The following SMCO4 variants were observed in gnomAD, a reference collection of about 807,000 sequenced individuals.
The protein encoded by SMCO4 is single-pass membrane protein with coiled-coil domains 4, also known as single-pass membrane and coiled-coil domain-containing protein 4.
In SMCO4, 4 loss-of-function variants were observed where a neutral mutation model predicts 3.6. The ratio of observed to expected loss-of-function variants is 1.11; its 90% CI spans 0.54 to 2.53. The LOEUF (loss-of-function observed/expected upper bound fraction) is 2.53, where lower values mean the gene tolerates loss of function less well. SMCO4 is among the 30% of genes most tolerant of loss of function. The pLI, the probability that SMCO4 is intolerant of heterozygous loss-of-function variation, is 0.02. For synonymous variants in SMCO4, 36 were observed against 35.3 expected (o/e 1.02, Z -0.07); for missense variants, 70 against 80.8 (o/e 0.87, Z 0.51).
intron 2 of SMCO4, among the ~76,000 whole-genome samples, chr11:93,484,517 G>T (rs987275754): frequency 6.6e-6 from 1 of 152,110 alleles, no homozygotes; most frequent in Non-Finnish European, 1.5e-5. Flanking sequence ...TGTAAAATGG[G>T]TAAGAAACCT....
At chr11:93,526,424 G>C (rs186575122) in intron 1 of SMCO4, among the ~76,000 whole-genome samples, 4 of 152,226 alleles carry the variant, frequency 2.6e-5, no homozygotes. Flanking sequence ...TGAGAGTTTT[G>C]GGGAGAGTGA....
chr11:93,534,186 G>A (rs1475080259), intron 1 of SMCO4, among the ~76,000 whole-genome samples: 7 of 126,476 alleles, frequency 5.5e-5, no homozygotes, highest in Non-Finnish European at 9.7e-5. Flanking sequence ...ATGAGACTCC[G>A]TCTCAAAAAA....
At chr11:93,541,171 A>G (rs530705214) in intron 1 of SMCO4, among the ~76,000 whole-genome samples, 2 of 152,230 alleles carry the variant, frequency 1.3e-5, no homozygotes, top group South Asian at 2.1e-4. Context: ...AGTCACTTCA[A>G]TGCTGTGATG....
chr11:93,548,489 T>C, the SMCO4 span, among the ~76,000 whole-genome samples: 1 of 152,224 alleles, frequency 6.6e-6, no homozygotes, highest in Non-Finnish European at 1.5e-5. Context: ...CATGTTTTAA[T>C]CATGTAGCCT....
intron 2 of SMCO4, among the ~76,000 whole-genome samples, chr11:93,497,967 A>C (rs1316227574): frequency 1.3e-5 from 2 of 152,192 alleles, no homozygotes; most frequent in African/African-American, 4.8e-5. Flanking sequence ...TTTATTTTGT[A>C]TAAAAGTTAC....
intron 1 of SMCO4, among the ~76,000 whole-genome samples, chr11:93,532,947 C>T (rs1949177493): frequency 6.6e-6 from 1 of 152,186 alleles, no homozygotes; most frequent in African/African-American, 2.4e-5. Flanking sequence ...TCCTTCTGTT[C>T]AGTGCAAAAT....
At chr11:93,529,080 G>A (rs1340099427) in intron 1 of SMCO4, among the ~76,000 whole-genome samples, 1 of 152,156 alleles carries the variant, frequency 6.6e-6, no homozygotes, top group Admixed American at 6.5e-5. Context: ...TAACAAGGAA[G>A]CAAAGCCTGC....
chr11:93,544,972 A>G (rs1485145371), upstream of SMCO4, among the ~76,000 whole-genome samples: 1 of 152,296 alleles, frequency 6.6e-6, no homozygotes, highest in South Asian at 2.1e-4. Flanking sequence ...TAAGTTTCCT[A>G]CCTTCAAAGG....
At chr11:93,552,430 GTGCC>G in the SMCO4 span, among the ~76,000 whole-genome samples, 1 of 143,248 alleles carries the variant, frequency 7.0e-6, no homozygotes. Context: ...GTAGGCCACC[GTGCC>G]CAGCCACGTT....
chr11:93,550,182 A>T, the SMCO4 span, among the ~76,000 whole-genome samples: 1 of 152,150 alleles, frequency 6.6e-6, no homozygotes, highest in Non-Finnish European at 1.5e-5. Flanking sequence ...ACACCAGTGA[A>T]CCCTTTAAAT....
upstream of SMCO4, among the ~76,000 whole-genome samples, chr11:93,544,942 G>A (rs183689627): frequency 6.6e-6 from 1 of 152,280 alleles, no homozygotes; most frequent in Admixed American, 6.5e-5. Flanking sequence ...AAAGAATGAG[G>A]GGAACACGCG....
chr11:93,481,877 G>A (rs1024839428), intron 2 of SMCO4, among the ~76,000 whole-genome samples: 2 of 152,194 alleles, frequency 1.3e-5, no homozygotes, highest in Non-Finnish European at 2.9e-5. Flanking sequence ...CAGGCCTGGG[G>A]CTAGCCATGC....
chr11:93,525,652 C>T (rs895819981), intron 1 of SMCO4, among the ~76,000 whole-genome samples: 7 of 152,316 alleles, frequency 4.6e-5, no homozygotes, highest in African/African-American at 1.7e-4. Flanking sequence ...CCAGAGAGTG[C>T]TTGCTGCCAA....
At chr11:93,543,206 C>G (rs1351058241) in intron 1 of SMCO4, 70 bp downstream of exon 1, 2 of 126,458 alleles carry the variant, frequency 1.6e-5, no homozygotes, top group Non-Finnish European at 3.8e-5. Context: ...TGCCCGGTGC[C>G]CCGTGCCCCG....
chr11:93,544,505 T>C (rs766228097), upstream of SMCO4, among the ~76,000 whole-genome samples: 4 of 152,202 alleles, frequency 2.6e-5, no homozygotes, highest in Non-Finnish European at 2.9e-5. Flanking sequence ...TCCACCTGGA[T>C]TTCTGTGGCC....
chr11:93,478,745 AC>A lies in SMCO4; in HGVS notation c.*264del. The A allele has an allele frequency of 1.3e-4, 99 of 737,026 alleles. No individual in the cohort carries two copies. Among genetic ancestry groups the A allele is most frequent in the Non-Finnish European group, 1.6e-4 (86 of 544,372 alleles). The allele number at this position is 737,026 out of a possible 1,614,324, so 45.7% of individuals were successfully genotyped here. On this transcript the variant is annotated 3_prime_UTR_variant, in exon 3 of 3. Coordinates refer to ENST00000298966, the MANE Select transcript of SMCO4 (RefSeq NM_020179.3). ...CACACACACACACACACACACACACACACACACATGCGCGCGCGCTTTGAAG... is the reference window on the plus strand; with the variant it reads ...CACACACACACACACACACACACACAACACACATGCGCGCGCGCTTTGAAG...
At chr11:93,541,449 C>G (rs1399524493) in intron 1 of SMCO4, among the ~76,000 whole-genome samples, 1 of 152,178 alleles carries the variant, frequency 6.6e-6, no homozygotes, top group Non-Finnish European at 1.5e-5. Flanking sequence ...CATAGTTGTA[C>G]AAGGACCCCA....
At chr11:93,551,804 G>T in the SMCO4 span, among the ~76,000 whole-genome samples, 3 of 152,322 alleles carry the variant, frequency 2.0e-5, no homozygotes, top group South Asian at 6.2e-4. Context: ...CATCTGATGT[G>T]AAATAAGAGC....
rs151090992 is a variant in SMCO4 at position 93,483,570 on chromosome 11, C to T, written c.-80-4301G>A. On this transcript the variant is annotated intron_variant, in intron 2 of 2. Transcript: ENST00000298966. ...AGGCCACAAGAGAAGCCTCCACACT[C>T]TCCTCCTTCTAGTCGAGTCCCCTGT... is the stretch of plus-strand genomic sequence containing the variant. Among the ~76,000 whole-genome samples the T allele has an allele frequency of 9.8e-3, 1,487 of 152,304 alleles. 17 individuals are homozygous for T. The highest frequency in any genetic ancestry group is 0.034 in the African/African-American group (1,413 of 41,544).
Sources: allele counts gnomAD v4.1 joint callset (sites outside exome capture counted in the v4.1 genomes callset), GRCh38; gene constraint gnomAD v4.1.1; transcripts MANE v1.5; gene names NCBI Gene and HGNC (gene_info 2026-07-23, HGNC 2026-07-21).